Variants in TTC29 observed in about 807,000 individuals in gnomAD.
TTC29 encodes tetratricopeptide repeat domain 29, also known as tetratricopeptide repeat protein 29.
In TTC29, 49 loss-of-function variants were observed where a neutral mutation model predicts 58.1. The ratio of observed to expected loss-of-function variants is 0.84; its 90% confidence interval spans 0.67 to 1.07. TTC29 has a LOEUF of 1.07. Ranked by LOEUF, TTC29 falls within the 50% of genes least tolerant of loss-of-function variation. The pLI, the probability that TTC29 is intolerant of heterozygous loss-of-function variation, is 0.00. For missense variants in TTC29, 582 were observed against 555.6 expected (o/e 1.05, Z -0.48); for synonymous variants, 209 against 196.8 (o/e 1.06, Z -0.52).
At chr4:146,788,240 T>C (rs1040204202) in intron 11 of TTC29, among the ~76,000 whole-genome samples, 1 of 152,012 alleles carries the variant, frequency 6.6e-6, no homozygotes, top group Non-Finnish European at 1.5e-5. Flanking sequence ...TGAAGCTGAA[T>C]TGATGAGAGA....
At chr4:146,881,566 G>A (rs6818952) in intron 6 of TTC29, among the ~76,000 whole-genome samples, 71,500 of 151,810 alleles carry the variant, frequency 0.47, 17,644 homozygotes, top group African/African-American at 0.6. Context: ...TAGCAAAAAG[G>A]GAAAAATGTT....
chr4:146,714,354 A>G (rs1742762048), intron 11 of TTC29, among the ~76,000 whole-genome samples: 1 of 152,196 alleles, frequency 6.6e-6, no homozygotes, highest in African/African-American at 2.4e-5. Flanking sequence ...ACAGAGTAGT[A>G]GAAACCTCAA....
In TTC29 at chr4:146,908,944, T is replaced by C. The variant is rs1733706197; in HGVS notation, c.400+82A>G. 5.1e-6 allele frequency: 6 copies of C among 1,180,222 alleles called. No homozygotes were observed. The Admixed American group carries it at 1.0e-4, about 20-fold the overall frequency. The allele number at this position is 1,180,222 out of a possible 1,614,324, so 73.1% of individuals were successfully genotyped here. On this transcript the variant is annotated intron_variant, in intron 5 of 12. Coordinates refer to ENST00000325106, the MANE Select transcript of TTC29 (RefSeq NM_031956.4). Reference sequence around the variant, plus strand: ...AAGTTGTCTTAATGTTTCAAATTCATACATGAAACAATCTGGAATCTTCCC... The same window carrying C: ...AAGTTGTCTTAATGTTTCAAATTCACACATGAAACAATCTGGAATCTTCCC...
At chr4:146,916,738 C>T (rs972212344) in intron 4 of TTC29, among the ~76,000 whole-genome samples, 1 of 151,346 alleles carries the variant, frequency 6.6e-6, no homozygotes, top group Admixed American at 6.6e-5. Context: ...CATCCTAATA[C>T]AGATATTATT....
chr4:146,910,952 C>G lies in TTC29; in HGVS notation c.177-1703G>C, dbSNP rs140486147. ...ATGCTTGGAGGGCCATGTTCTCTTT[C>G]TCTTTCTCACTCCAGTCAAATGGAG... On this transcript the variant is annotated intron_variant, in intron 4 of 12. Coordinates refer to ENST00000325106, the MANE Select transcript of TTC29 (RefSeq NM_031956.4). Among the ~76,000 whole-genome samples, 699 of 152,292 alleles carry G rather than the reference C, an allele frequency of 4.6e-3. 5 individuals are homozygous for G. Among genetic ancestry groups the G allele is most frequent in the African/African-American group, 0.016 (657 of 41,548 alleles).
At chr4:146,708,382 A>T (rs1051698644) in intron 11 of TTC29, among the ~76,000 whole-genome samples, 1 of 145,242 alleles carries the variant, frequency 6.9e-6, no homozygotes, top group Non-Finnish European at 1.5e-5. Flanking sequence ...GTATATATAT[A>T]AATACATATA....
At chr4:146,933,750 G>GCATA (rs1170825063) in intron 4 of TTC29, among the ~76,000 whole-genome samples, 1 of 152,174 alleles carries the variant, frequency 6.6e-6, no homozygotes, top group Non-Finnish European at 1.5e-5. Context: ...AAGTAACGAA[G>GCATA]CATACTGAAA....
In TTC29 at chr4:146,903,775, C is replaced by A. The variant is rs1425914427; in HGVS notation, c.401-46G>T. On this transcript the variant is annotated intron_variant, in intron 5 of 12. Transcript: ENST00000325106. ...CATGAATGGCATTAGAAAGATGTCT[C>A]ATGGCACACCCTTTAGAACGGCAAA... 8.0e-6 allele frequency: 11 copies of A among 1,380,860 alleles called. No individual in the cohort carries two copies. The South Asian group carries it at 1.8e-4, about 23-fold the overall frequency. 85.5% of individuals were successfully genotyped at this position (1,380,860 alleles called of 1,614,324 possible).
At chr4:146,860,851 A>T (rs1730184995) in intron 8 of TTC29, among the ~76,000 whole-genome samples, 1 of 152,214 alleles carries the variant, frequency 6.6e-6, no homozygotes, top group African/African-American at 2.4e-5. Flanking sequence ...GGTCAACCAC[A>T]TCTACAAGTT....
chr4:146,728,781 A>G (rs1368777871), intron 11 of TTC29, among the ~76,000 whole-genome samples: 1 of 98,874 alleles, frequency 1.0e-5, no homozygotes, highest in Non-Finnish European at 2.1e-5. Context: ...ACACATATAT[A>G]TGTGTATATA....
At chr4:146,715,675 G>A (rs1196291284) in intron 11 of TTC29, among the ~76,000 whole-genome samples, 2 of 152,100 alleles carry the variant, frequency 1.3e-5, no homozygotes, top group Non-Finnish European at 2.9e-5. Flanking sequence ...AGCTAAATAG[G>A]AGGAATGAAG....
chr4:146,931,685 A>G (rs1735347626), intron 4 of TTC29, among the ~76,000 whole-genome samples: 1 of 152,182 alleles, frequency 6.6e-6, no homozygotes, highest in Non-Finnish European at 1.5e-5. Context: ...TTTAATGTCT[A>G]TTAGAGCTGG....
At chr4:146,806,622 A>AAG (rs1750637604) in intron 10 of TTC29, among the ~76,000 whole-genome samples, 1 of 114,308 alleles carries the variant, frequency 8.7e-6, no homozygotes, top group Admixed American at 9.5e-5. Flanking sequence ...CAACAAAGAT[A>AAG]AAAAAAAAAA....
chr4:146,803,090 T>C (rs1025426357), intron 11 of TTC29, among the ~76,000 whole-genome samples: 18 of 152,142 alleles, frequency 1.2e-4, no homozygotes, highest in African/African-American at 4.3e-4. Context: ...TTAGCATTCA[T>C]CTACAGTCAC....
At chr4:146,797,832 TTATATATATA>T (rs70958528) in intron 11 of TTC29, among the ~76,000 whole-genome samples, 16 of 130,036 alleles carry the variant, frequency 1.2e-4, no homozygotes, top group African/African-American at 3.2e-4. Context: ...TTACTTTGTT[TTATATATATA>T]TATATATATA....
chr4:146,816,565 G>C (rs1751423899), intron 10 of TTC29, among the ~76,000 whole-genome samples: 1 of 152,038 alleles, frequency 6.6e-6, no homozygotes, highest in African/African-American at 2.4e-5. Context: ...AGGGGTCAGA[G>C]AGCAAGGAGG....
intron 11 of TTC29, among the ~76,000 whole-genome samples, chr4:146,764,898 G>C (rs1437689988): frequency 6.6e-6 from 1 of 152,092 alleles, no homozygotes; most frequent in Non-Finnish European, 1.5e-5. Flanking sequence ...ACTGCGAAGA[G>C]AGTTTGTCTC....
At chr4:146,713,596 T>C (rs1486032510) in intron 11 of TTC29, among the ~76,000 whole-genome samples, 1 of 152,154 alleles carries the variant, frequency 6.6e-6, no homozygotes, top group Non-Finnish European at 1.5e-5. Context: ...CAAGTTTGGA[T>C]AGACTCTCTT....
chr4:146,773,277 G>A (rs979148281), intron 11 of TTC29, among the ~76,000 whole-genome samples: 1 of 152,046 alleles, frequency 6.6e-6, no homozygotes, highest in African/African-American at 2.4e-5. Flanking sequence ...GTTGAGAGTA[G>A]GCATCCTTGT....
Sources: allele counts gnomAD v4.1 joint callset (sites outside exome capture counted in the v4.1 genomes callset), GRCh38; gene constraint gnomAD v4.1.1; transcripts MANE v1.5; gene names NCBI Gene and HGNC (gene_info 2026-07-23, HGNC 2026-07-21).